Variants in ESR1 observed in about 807,000 individuals in gnomAD.
ESR1 encodes estrogen receptor 1, also known as estrogen receptor.
A neutral mutation model predicts 52.7 loss-of-function variants in ESR1; 12 were observed. That is an observed-to-expected ratio of 0.23 (90% CI 0.15 to 0.37). The LOEUF (loss-of-function observed/expected upper bound fraction) is 0.37, where lower values mean the gene tolerates loss of function less well. Ranked by LOEUF, ESR1 falls within the 10% of genes least tolerant of loss-of-function variation. ESR1 has a pLI of 1.00. For synonymous variants in ESR1, 305 were observed against 316.8 expected, an observed-to-expected ratio of 0.96 and a Z score of 0.39; for missense variants, 584 against 779.7, an observed-to-expected ratio of 0.75 and a Z score of 2.99.
chr6:152,028,682 G>A (rs986869297), intron 5 of ESR1, among the ~76,000 whole-genome samples: 3 of 152,212 alleles, frequency 2.0e-5, no homozygotes, highest in Non-Finnish European at 4.4e-5. Context: ...GCAGCTCAAG[G>A]AGGCCTGCCT....
intron 1 of ESR1, among the ~76,000 whole-genome samples, chr6:151,661,979 C>T (rs917528190): frequency 6.6e-6 from 1 of 152,102 alleles, no homozygotes; most frequent in Non-Finnish European, 1.5e-5. Flanking sequence ...GCACCTAAAC[C>T]AATTAGAAGG....
intron 2 of ESR1, among the ~76,000 whole-genome samples, chr6:151,784,247 G>A (rs1478458028): frequency 6.6e-6 from 1 of 152,038 alleles, no homozygotes; most frequent in Non-Finnish European, 1.5e-5. Context: ...GAATTCTTCT[G>A]CATGGGAGAT....
chr6:151,928,821 C>T (rs551238426), intron 3 of ESR1, among the ~76,000 whole-genome samples: 3 of 152,022 alleles, frequency 2.0e-5, no homozygotes, highest in Non-Finnish European at 2.9e-5. Flanking sequence ...TTGACTCATA[C>T]GTTCTTTAAA....
chr6:152,086,381 T>C (rs561593859), intron 6 of ESR1, among the ~76,000 whole-genome samples: 1 of 149,320 alleles, frequency 6.7e-6, no homozygotes, highest in Admixed American at 6.7e-5. Context: ...TGTATTTAAA[T>C]AAATACTTAA....
At chr6:151,659,724 A>G (rs560580184) in intron 1 of ESR1, among the ~76,000 whole-genome samples, 37 of 152,166 alleles carry the variant, frequency 2.4e-4, no homozygotes, top group Non-Finnish European at 4.9e-4. Context: ...CAAAACAACA[A>G]TCTAAAGGTC....
intron 3 of ESR1, among the ~76,000 whole-genome samples, chr6:151,934,859 T>A (rs1188939686): frequency 6.6e-6 from 1 of 152,230 alleles, no homozygotes; most frequent in Non-Finnish European, 1.5e-5. Flanking sequence ...ATATCCATAA[T>A]GGATCAGTAG....
intron 2 of ESR1, among the ~76,000 whole-genome samples, chr6:151,771,790 C>A (rs1015582611): frequency 5.3e-5 from 8 of 151,988 alleles, no homozygotes; most frequent in Non-Finnish European, 7.4e-5. Flanking sequence ...ACTTTACCCA[C>A]TTCTGTATTG....
chr6:152,030,931 A>C (rs1303824746), intron 5 of ESR1, among the ~76,000 whole-genome samples: 1 of 152,348 alleles, frequency 6.6e-6, no homozygotes, highest in Admixed American at 6.5e-5. Flanking sequence ...AAATTATAAC[A>C]AACTATCTCT....
chr6:151,806,892 C>T (rs1262171841), upstream of ESR1, among the ~76,000 whole-genome samples: 1 of 152,056 alleles, frequency 6.6e-6, no homozygotes, highest in East Asian at 1.9e-4. Flanking sequence ...CCATGTGCGC[C>T]CTAACCAAAG....
At position 151,855,889 on chromosome 6, in the gene ESR1, G is replaced by A. The variant is rs189485617; in HGVS notation, c.643+13102G>A. On this transcript the variant is annotated intron_variant, in intron 2 of 7. Coordinates refer to ENST00000206249, the MANE Select transcript of ESR1 (RefSeq NM_000125.4). Reference sequence around the variant, plus strand: ...ACCATGAAGAGAGTTCTACTTAATTGTAAGTGGCCTGTGATTTGTCGTTAG... The same window carrying A: ...ACCATGAAGAGAGTTCTACTTAATTATAAGTGGCCTGTGATTTGTCGTTAG... Among the ~76,000 whole-genome samples the A allele has an allele frequency of 8.4e-4, 128 of 152,272 alleles. 1 individual carries two copies. The highest frequency in any genetic ancestry group is 2.9e-3 in the African/African-American group (119 of 41,558).
intron 6 of ESR1, among the ~76,000 whole-genome samples, chr6:152,065,400 A>T (rs2047887826): frequency 6.6e-6 from 1 of 152,208 alleles, no homozygotes; most frequent in Non-Finnish European, 1.5e-5. Context: ...ATCCACCTCT[A>T]TCAGAAAACC....
At chr6:151,990,998 C>T (rs2040958057) in intron 4 of ESR1, among the ~76,000 whole-genome samples, 1 of 152,102 alleles carries the variant, frequency 6.6e-6, no homozygotes, top group South Asian at 2.1e-4. Flanking sequence ...CCACACAATA[C>T]CACCAGGAGA....
chr6:151,923,963 G>A (rs1221862486), intron 3 of ESR1, among the ~76,000 whole-genome samples: 1 of 152,168 alleles, frequency 6.6e-6, no homozygotes, highest in Non-Finnish European at 1.5e-5. Flanking sequence ...CGACATCCTT[G>A]TCAGCATTTG....
At chr6:151,713,078 T>G (rs576256892) in intron 2 of ESR1, among the ~76,000 whole-genome samples, 1 of 152,336 alleles carries the variant, frequency 6.6e-6, no homozygotes, top group African/African-American at 2.4e-5. Context: ...AGGCCTTTTT[T>G]TCATCTATTG....
intron 2 of ESR1, among the ~76,000 whole-genome samples, chr6:151,876,814 G>A (rs1448025067): frequency 1.3e-5 from 2 of 151,912 alleles, no homozygotes; most frequent in African/African-American, 2.4e-5. Context: ...TTTATCTTTT[G>A]ATGGGCAAGA....
intron 2 of ESR1, among the ~76,000 whole-genome samples, chr6:151,864,061 G>T (rs1291710088): frequency 1.3e-5 from 2 of 152,272 alleles, no homozygotes; most frequent in East Asian, 3.9e-4. Flanking sequence ...ATTGACAAAT[G>T]GGATCTAATT....
intron 4 of ESR1, among the ~76,000 whole-genome samples, chr6:151,982,760 A>T (rs2040118314): frequency 6.6e-6 from 1 of 152,010 alleles, no homozygotes; most frequent in Non-Finnish European, 1.5e-5. Context: ...AGTCCTATAT[A>T]AAAAAATTAG....
At chr6:151,714,937 G>T (rs1319949727) in intron 2 of ESR1, among the ~76,000 whole-genome samples, 1 of 152,076 alleles carries the variant, frequency 6.6e-6, no homozygotes, top group Non-Finnish European at 1.5e-5. Context: ...AGTGTTGATG[G>T]TCTTTACAAT....
chr6:152,020,235 C>A (rs1198582717), intron 5 of ESR1, among the ~76,000 whole-genome samples: 1 of 152,152 alleles, frequency 6.6e-6, no homozygotes, highest in African/African-American at 2.4e-5. Context: ...ATCCATTTAT[C>A]CTGCCTAGAA....
Sources: gnomAD v4.1 joint callset for allele counts (sites outside exome capture counted in the v4.1 genomes callset) on GRCh38, gnomAD v4.1.1 for gene constraint, MANE v1.5 for transcripts, NCBI Gene and HGNC (gene_info 2026-07-23, HGNC 2026-07-21) for gene names.